ARAP2: variants seen among roughly 807,000 people sequenced by gnomAD.
ARAP2 encodes arf-GAP with Rho-GAP domain, ANK repeat and PH domain-containing protein 2.
Under a neutral mutation model 194.5 loss-of-function variants are expected in ARAP2, and 148 were observed. That is an observed-to-expected ratio of 0.76 (90% CI 0.67 to 0.87). The LOEUF is 0.87. ARAP2 is among the 40% of genes least tolerant of loss of function. The pLI, the probability that ARAP2 is intolerant of heterozygous loss-of-function variation, is 0.00. For synonymous variants in ARAP2, 695 were observed against 683.5 expected, an observed-to-expected ratio of 1.02 and a Z score of -0.26; for missense variants, 2,128 against 1,989.7, an observed-to-expected ratio of 1.07 and a Z score of -1.32.
chr4:36,155,050 T>A (rs1332057319), intron 15 of ARAP2, among the ~76,000 whole-genome samples: 2 of 152,250 alleles, frequency 1.3e-5, no homozygotes, highest in African/African-American at 4.8e-5. Flanking sequence ...AGCAATTATA[T>A]CTTTTTATCC....
At chr4:36,024,038 T>C (rs939671471) in intron 5 of ARAP2, among the ~76,000 whole-genome samples, 4 of 152,164 alleles carry the variant, frequency 2.6e-5, no homozygotes, top group Admixed American at 6.6e-5. Flanking sequence ...CATGGGATCA[T>C]AGGGTTGGGT....
rs1463585417 is a variant in ARAP2 at position 36,121,176 on chromosome 4, T to C, written c.3894+3A>G. ...TAACAAGGGCAGGATACAAAATAAT[T>C]ACCTCAAATATTTCTACATAATTAT... On this transcript the variant is annotated splice_donor_region_variant and intron_variant, in intron 23 of 32. Transcript: ENST00000303965. 1.3e-6 allele frequency: 2 copies of C among 1,580,816 alleles called. No homozygotes were observed. The highest frequency in any genetic ancestry group is 2.3e-5 in the East Asian group (1 of 43,882).
rs1270444972 is a variant in ARAP2 at position 36,104,893 on chromosome 4, A to AT, written c.4285+2671dup. Among the ~76,000 whole-genome samples the AT allele has an allele frequency of 9.9e-5, 15 of 152,024 alleles. No homozygotes were observed. The East Asian group carries it at 2.3e-3, about 24-fold the overall frequency. ...GCTGATGGTTTTCCTTTAAATCACT[A>AT]TTTTTTTCATGCAAAGTTCCTGGTA... On this transcript the variant is annotated intron_variant, in intron 27 of 32. Coordinates refer to ENST00000303965, the MANE Select transcript of ARAP2 (RefSeq NM_015230.4).
intron 5 of ARAP2, among the ~76,000 whole-genome samples, chr4:36,021,849 A>G (rs1717000437): frequency 6.6e-6 from 1 of 152,202 alleles, no homozygotes; most frequent in Admixed American, 6.5e-5. Flanking sequence ...CTAATGATAC[A>G]TCATCTAATG....
intron 21 of ARAP2, 42 bp downstream of exon 21, chr4:36,128,491 C>CACACAT (rs776823076): frequency 6.8e-7 from 1 of 1,474,034 alleles, no homozygotes; most frequent in Non-Finnish European, 9.5e-7. Flanking sequence ...CACACACACA[C>CACACAT]ACACACACAC....
At chr4:36,219,358 AC>A (rs1418283439) in intron 2 of ARAP2, among the ~76,000 whole-genome samples, 1 of 152,210 alleles carries the variant, frequency 6.6e-6, no homozygotes, top group Non-Finnish European at 1.5e-5. Context: ...CTGACATGCA[AC>A]AACACAGACA....
At chr4:36,122,774 A>G (rs570310604) in intron 22 of ARAP2, among the ~76,000 whole-genome samples, 2 of 151,906 alleles carry the variant, frequency 1.3e-5, no homozygotes, top group Non-Finnish European at 2.9e-5. Context: ...AAAAAAACCA[A>G]AACAACTCCC....
At chr4:36,216,124 T>C (rs1578309942) in intron 2 of ARAP2, among the ~76,000 whole-genome samples, 1 of 148,940 alleles carries the variant, frequency 6.7e-6, no homozygotes, top group East Asian at 2.0e-4. Flanking sequence ...GGTGTGGTGG[T>C]GCATGCCTGT....
intron 8 of ARAP2, 61 bp from the exon 9 acceptor site, chr4:36,178,066 C>A (rs146356187): frequency 7.0e-7 from 1 of 1,436,694 alleles, no homozygotes; most frequent in Non-Finnish European, 9.3e-7. Context: ...GACACAGAAA[C>A]GTCAAGAAGA....
intron 10 of ARAP2, chr4:36,006,061 C>G (rs992188560): frequency 6.6e-6 from 1 of 152,036 alleles, no homozygotes; most frequent in East Asian, 1.9e-4. Flanking sequence ...ATTATGGGCT[C>G]TTAAAATGTA....
intron 32 of ARAP2, among the ~76,000 whole-genome samples, chr4:36,069,015 A>T (rs1726177052): frequency 9.6e-6 from 1 of 103,790 alleles, no homozygotes; most frequent in African/African-American, 3.8e-5. Context: ...AGATATGTCT[A>T]GCAAGGTTTC....
At chr4:36,025,473 G>A (rs979562067) in intron 5 of ARAP2, among the ~76,000 whole-genome samples, 8 of 152,164 alleles carry the variant, frequency 5.3e-5, no homozygotes, top group South Asian at 2.1e-4. Context: ...CGTCACTGGC[G>A]TGGAATTGAT....
At chr4:36,127,879 ATATTT>A (rs1235341474) in intron 21 of ARAP2, among the ~76,000 whole-genome samples, 3 of 151,978 alleles carry the variant, frequency 2.0e-5, no homozygotes, top group Non-Finnish European at 4.4e-5. Context: ...GGCAATGCTT[ATATTT>A]AAGTCTTTGT....
chr4:36,109,626 A>G (rs574141638), intron 26 of ARAP2, among the ~76,000 whole-genome samples: 3 of 152,086 alleles, frequency 2.0e-5, no homozygotes, highest in Non-Finnish European at 2.9e-5. Flanking sequence ...TAACTAACTC[A>G]TAAGTTTGTT....
intron 5 of ARAP2, chr4:36,045,841 T>A (rs1349919450): frequency 6.6e-6 from 1 of 151,614 alleles, no homozygotes; most frequent in African/African-American, 2.4e-5. Context: ...AATGATCAAA[T>A]TAAATAAATA....
chr4:36,050,954 C>T (rs1329481873), intron 3 of ARAP2, among the ~76,000 whole-genome samples: 1 of 152,136 alleles, frequency 6.6e-6, no homozygotes, highest in African/African-American at 2.4e-5. Flanking sequence ...GGTAAAGTAA[C>T]ATAATGAGTA....
intron 25 of ARAP2, among the ~76,000 whole-genome samples, chr4:36,116,410 T>G (rs1721314143): frequency 6.6e-6 from 1 of 151,906 alleles, no homozygotes; most frequent in Admixed American, 6.6e-5. Flanking sequence ...AAATATCAGT[T>G]ACTATATGTA....
chr4:36,223,726 T>C (rs1448945188), intron 2 of ARAP2, among the ~76,000 whole-genome samples: 1 of 152,018 alleles, frequency 6.6e-6, no homozygotes, highest in Non-Finnish European at 1.5e-5. Context: ...TGGCTCTCTC[T>C]CTCTCTCTCT....
chr4:36,218,071 T>C (rs1176747277), intron 2 of ARAP2, among the ~76,000 whole-genome samples: 3 of 152,124 alleles, frequency 2.0e-5, no homozygotes, highest in African/African-American at 7.2e-5. Context: ...GGTTTCGTGA[T>C]TTATTATATA....
Sources: allele counts gnomAD v4.1 joint callset (sites outside exome capture counted in the v4.1 genomes callset), GRCh38; gene constraint gnomAD v4.1.1; transcripts MANE v1.5; gene names NCBI Gene and HGNC (gene_info 2026-07-23, HGNC 2026-07-21).